The following BBX variants were observed in gnomAD, a reference collection of about 807,000 sequenced individuals.
BBX encodes HMG box transcription factor BBX.
Under a neutral mutation model 100.2 loss-of-function variants are expected in BBX, and 30 were observed. The observed-to-expected ratio is 0.30, with a 90% CI of 0.22 to 0.41. The LOEUF is 0.41. Among genes scored for constraint, BBX ranks in the 10% least tolerant of loss-of-function variants. BBX has a pLI of 1.00. For synonymous variants in BBX, 376 were observed against 388.1 expected (o/e 0.97, Z 0.37); for missense variants, 1,023 against 1,129.8 (o/e 0.91, Z 1.35).
chr3:107,626,419 T>G (rs1050280010), intron 2 of BBX, among the ~76,000 whole-genome samples: 2 of 152,220 alleles, frequency 1.3e-5, no homozygotes, highest in Non-Finnish European at 2.9e-5. Context: ...ACAATGAACA[T>G]TCATTCTCTC....
At chr3:107,525,130 C>T (rs533764321) in intron 1 of BBX, among the ~76,000 whole-genome samples, 1,500 of 149,104 alleles carry the variant, frequency 0.01, 11 homozygotes, top group Non-Finnish European at 0.015. Context: ...AGGCAGCCAG[C>T]GGCCCAGGGG....
rs184220083 is a variant in BBX, at chr3:107,557,113, G to A, written c.-84+30715G>A. 2.8e-3 allele frequency among the ~76,000 whole-genome samples: 422 copies of A among 152,310 alleles called. 6 individuals are homozygous for A. The highest frequency in any genetic ancestry group is 0.025 in the Admixed American group (378 of 15,298). ...AGTATTAACAAAAGCGTACACTGGT[G>A]TAATTCACATACCTATTGAGAATAT... On this transcript the variant is annotated intron_variant, in intron 2 of 17. Transcript: ENST00000325805.
intron 8 of BBX, 42 bp from the exon 9 acceptor site, chr3:107,747,923 A>G: frequency 5.9e-6 from 9 of 1,525,592 alleles, no homozygotes; most frequent in East Asian, 2.3e-5. Flanking sequence ...TCTGATGTGG[A>G]AAAATGTCAT....
rs889894396 is a variant in BBX at position 107,569,397 on chromosome 3, A to C, written c.-84+42999A>C. Among the ~76,000 whole-genome samples, 7 of 151,096 alleles carry C rather than the reference A, an allele frequency of 4.6e-5. No individual in the cohort carries two copies. The South Asian group carries it at 1.5e-3, about 32-fold the overall frequency. ...TTCCTTTTTTATTTTTTATTTTTTT[A>C]ATTTTTTTTTATTTTTATGACAACA... is the stretch of plus-strand genomic sequence containing the variant. On this transcript the variant is annotated intron_variant, in intron 2 of 17. Transcript: ENST00000325805.
intron 7 of BBX, among the ~76,000 whole-genome samples, chr3:107,734,375 T>C (rs1357254779): frequency 1.3e-5 from 2 of 152,210 alleles, no homozygotes; most frequent in Non-Finnish European, 2.9e-5. Context: ...TGTTACTTTG[T>C]GCCTTTGCAT....
At chr3:107,802,015 C>T (rs2070547289) in intron 17 of BBX, among the ~76,000 whole-genome samples, 2 of 152,194 alleles carry the variant, frequency 1.3e-5, no homozygotes, top group African/African-American at 4.8e-5. Context: ...TTGAACTCAG[C>T]GAAGCCCCAC....
chr3:107,574,763 C>T (rs1202085696), intron 2 of BBX, among the ~76,000 whole-genome samples: 1 of 152,064 alleles, frequency 6.6e-6, no homozygotes, highest in Non-Finnish European at 1.5e-5. Context: ...ATCTCTTGAC[C>T]TCTTCTGTGT....
intron 2 of BBX, among the ~76,000 whole-genome samples, chr3:107,599,047 G>A (rs537667719): frequency 5.3e-5 from 8 of 152,230 alleles, no homozygotes; most frequent in South Asian, 4.2e-4. Flanking sequence ...GGGGCTGGTG[G>A]GAGGTGGGAA....
chr3:107,607,303 G>C (rs977730401), intron 2 of BBX, among the ~76,000 whole-genome samples: 4 of 152,100 alleles, frequency 2.6e-5, no homozygotes, highest in South Asian at 2.1e-4. Context: ...CACCGTGTTG[G>C]CTCCTGACCT....
At chr3:107,585,948 A>G (rs2052802864) in intron 2 of BBX, among the ~76,000 whole-genome samples, 1 of 152,218 alleles carries the variant, frequency 6.6e-6, no homozygotes, top group Non-Finnish European at 1.5e-5. Context: ...ACTCTTGGTT[A>G]GGGTCACATT....
intron 3 of BBX, among the ~76,000 whole-genome samples, chr3:107,672,193 A>G (rs2059054650): frequency 6.6e-6 from 1 of 152,054 alleles, no homozygotes; most frequent in Non-Finnish European, 1.5e-5. Context: ...GTATCTCTTC[A>G]CCTTAGCTCC....
In BBX at chr3:107,807,134, G is replaced by A. The variant is rs923947427; in HGVS notation, c.*1677G>A. On this transcript the variant is annotated 3_prime_UTR_variant, in exon 18 of 18. Transcript: ENST00000325805. Reference sequence around the variant, plus strand: ...TGGTTGTAGATATTACTTCAGTTCCGGTGCTGGAAAATATGTACAACATAC... The same window carrying A: ...TGGTTGTAGATATTACTTCAGTTCCAGTGCTGGAAAATATGTACAACATAC... 3.3e-5 allele frequency: 5 copies of A among 151,880 alleles called. No homozygotes were observed. Among genetic ancestry groups the A allele is most frequent in the Admixed American group, 6.5e-5 (1 of 15,274 alleles). The allele number at this position is 151,880 out of a possible 1,614,324, so 9.4% of individuals were successfully genotyped here. A position where few individuals can be genotyped will look rare whatever the true frequency, so the allele number is the denominator to read the frequency against.
chr3:107,649,083 T>C (rs2057688609), intron 3 of BBX, among the ~76,000 whole-genome samples: 1 of 152,218 alleles, frequency 6.6e-6, no homozygotes, highest in African/African-American at 2.4e-5. Flanking sequence ...ACGTCTTACG[T>C]GGCAGCAGGC....
At chr3:107,561,801 G>A (rs979575384) in intron 2 of BBX, among the ~76,000 whole-genome samples, 10 of 152,160 alleles carry the variant, frequency 6.6e-5, no homozygotes, top group African/African-American at 2.2e-4. Context: ...AAAGTCTGAA[G>A]TATATGCTAC....
chr3:107,793,512 T>C (rs2069273347), intron 15 of BBX, among the ~76,000 whole-genome samples: 1 of 152,144 alleles, frequency 6.6e-6, no homozygotes, highest in African/African-American at 2.4e-5. Context: ...TCTCCAACAT[T>C]TACTTGTTTG....
chr3:107,555,285 C>T (rs76195538), intron 2 of BBX, among the ~76,000 whole-genome samples: 235 of 152,216 alleles, frequency 1.5e-3, no homozygotes, highest in African/African-American at 5.5e-3. Context: ...AGTTGGAATA[C>T]GTTTCTTGTG....
At chr3:107,803,735 G>A (rs146612184) in intron 17 of BBX, among the ~76,000 whole-genome samples, 13 of 152,140 alleles carry the variant, frequency 8.5e-5, no homozygotes, top group African/African-American at 2.7e-4. Context: ...TCCTTATCTC[G>A]CGTACTGCCA....
chr3:107,789,855 A>T lies in BBX; in HGVS notation c.2272A>T (p.Lys758Ter). 6.5e-7 allele frequency: 1 copy of T among 1,550,208 alleles called. No individual in the cohort carries two copies. The highest frequency in any genetic ancestry group is 8.7e-7 in the Non-Finnish European group (1 of 1,145,926). ...IVSKYKHKKE[K>*]PNVPEKGSGD... Reference sequence around the variant, plus strand: ...CAGCAAATATAAGCACAAAAAGGAGAAGCCCAATGTTCCGGAAAAAGGTAT... The same window carrying T: ...CAGCAAATATAAGCACAAAAAGGAGTAGCCCAATGTTCCGGAAAAAGGTAT... Residue 758 changes from lysine (K) to a stop codon, truncating the protein, a stop_gained, in exon 14 of 18, where the codon AAG becomes TAG. Transcript: ENST00000325805. LOFTEE classifies it high-confidence loss of function.
At chr3:107,628,272 T>C (rs2056328425) in intron 2 of BBX, among the ~76,000 whole-genome samples, 1 of 152,004 alleles carries the variant, frequency 6.6e-6, no homozygotes, top group Non-Finnish European at 1.5e-5. Context: ...TATTTTGGAG[T>C]AGAATTGCTA....
Sources: allele counts gnomAD v4.1 joint callset (sites outside exome capture counted in the v4.1 genomes callset), GRCh38; gene constraint gnomAD v4.1.1; transcripts MANE v1.5; gene names NCBI Gene and HGNC (gene_info 2026-07-23, HGNC 2026-07-21).